SORCS3: variants seen among roughly 807,000 people sequenced by gnomAD.
The protein encoded by SORCS3 is sortilin related VPS10 domain containing receptor 3, also known as VPS10 domain-containing receptor SorCS3.
A neutral mutation model predicts 146.3 loss-of-function variants in SORCS3; 57 were observed. That is an observed-to-expected ratio of 0.39 (90% CI 0.31 to 0.49). The LOEUF is 0.49. SORCS3 is among the 20% of genes least tolerant of loss of function. The probability of loss-of-function intolerance (pLI) is 0.92; values close to 1 mark genes in which losing one functional copy is unlikely to be tolerated. For synonymous variants in SORCS3, 653 were observed against 618.5 expected (o/e 1.06, Z -0.83); for missense variants, 1,341 against 1,575.5 (o/e 0.85, Z 2.52).
intron 5 of SORCS3, among the ~76,000 whole-genome samples, chr10:105,080,258 G>A (rs1308321691): frequency 6.6e-6 from 1 of 152,102 alleles, no homozygotes; most frequent in East Asian, 1.9e-4. Flanking sequence ...ATTCTGACTG[G>A]CATGAGATGG....
intron 4 of SORCS3, among the ~76,000 whole-genome samples, chr10:104,998,026 A>AT (rs1176758171): frequency 2.6e-5 from 4 of 152,044 alleles, no homozygotes; most frequent in Non-Finnish European, 5.9e-5. Context: ...AATGAGGGGG[A>AT]TTTTACCAGT....
At chr10:104,987,444 G>A (rs1251913740) in intron 4 of SORCS3, among the ~76,000 whole-genome samples, 1 of 152,058 alleles carries the variant, frequency 6.6e-6, no homozygotes, top group Admixed American at 6.6e-5. Context: ...ATAAGGCAGT[G>A]CTCTTAAAAA....
intron 1 of SORCS3, among the ~76,000 whole-genome samples, chr10:104,781,643 A>G (rs981166892): frequency 2.0e-5 from 3 of 152,266 alleles, no homozygotes; most frequent in African/African-American, 7.2e-5. Flanking sequence ...TGATAATAGA[A>G]AGCTGCAAGT....
chr10:105,022,300 T>TC (rs2055202692), intron 4 of SORCS3, among the ~76,000 whole-genome samples: 2 of 72,418 alleles, frequency 2.8e-5, no homozygotes, highest in African/African-American at 1.5e-4. Flanking sequence ...TTCTTTTCTT[T>TC]TTTTTTTTTT....
intron 3 of SORCS3, among the ~76,000 whole-genome samples, chr10:104,970,733 A>G (rs1010423937): frequency 6.6e-6 from 1 of 151,440 alleles, no homozygotes; most frequent in Admixed American, 6.6e-5. Context: ...GAGAAAAGAA[A>G]GTAAGCTTGT....
intron 16 of SORCS3, among the ~76,000 whole-genome samples, chr10:105,203,007 C>CAGCT (rs1434991702): frequency 2.0e-5 from 3 of 152,172 alleles, no homozygotes; most frequent in African/African-American, 7.2e-5. Flanking sequence ...GGGCACAGAG[C>CAGCT]AGCTGCCCCT....
At chr10:105,160,589 T>C (rs896050027) in intron 11 of SORCS3, among the ~76,000 whole-genome samples, 2 of 152,302 alleles carry the variant, frequency 1.3e-5, no homozygotes, top group African/African-American at 4.8e-5. Context: ...GTGGTGCCAC[T>C]GCACTCCAGC....
chr10:104,842,916 C>A, intron 2 of SORCS3, 57 bp downstream of exon 2: 2 of 1,355,408 alleles, frequency 1.5e-6, no homozygotes, highest in Non-Finnish European at 2.1e-6. Flanking sequence ...ATGAGAAACG[C>A]AAGCTAAGCA....
intron 1 of SORCS3, among the ~76,000 whole-genome samples, chr10:104,644,473 G>A (rs1165259086): frequency 6.6e-6 from 1 of 152,210 alleles, no homozygotes; most frequent in African/African-American, 2.4e-5. Flanking sequence ...TGGGAAACCA[G>A]TTTCAGCAAC....
At chr10:105,160,699 C>G (rs1333180352) in intron 11 of SORCS3, among the ~76,000 whole-genome samples, 1 of 152,176 alleles carries the variant, frequency 6.6e-6, no homozygotes, top group East Asian at 1.9e-4. Context: ...CTATGTGTTA[C>G]TTATCATCAT....
At chr10:104,926,946 C>T (rs1004307401) in intron 3 of SORCS3, among the ~76,000 whole-genome samples, 7 of 152,046 alleles carry the variant, frequency 4.6e-5, no homozygotes, top group Non-Finnish European at 1.0e-4. Flanking sequence ...TCGAGTATAT[C>T]GTAATTTTTT....
chr10:105,023,828 A>C (rs569472813), intron 4 of SORCS3, among the ~76,000 whole-genome samples: 1 of 152,226 alleles, frequency 6.6e-6, no homozygotes, highest in African/African-American at 2.4e-5. Context: ...GTGAGGAAGA[A>C]ATGGAAAATA....
intron 2 of SORCS3, among the ~76,000 whole-genome samples, chr10:104,877,286 C>T (rs184719784): frequency 6.6e-6 from 1 of 152,178 alleles, no homozygotes; most frequent in Non-Finnish European, 1.5e-5. Context: ...GTCTTTCTTT[C>T]CACCCTTTCT....
chr10:104,857,038 G>A (rs1472073477), intron 2 of SORCS3, among the ~76,000 whole-genome samples: 1 of 149,690 alleles, frequency 6.7e-6, no homozygotes, highest in Admixed American at 6.9e-5. Context: ...CTTATGCCAG[G>A]AGCAGAATAT....
chr10:104,950,309 G>T (rs755563604), intron 3 of SORCS3, among the ~76,000 whole-genome samples: 2 of 152,136 alleles, frequency 1.3e-5, no homozygotes, highest in Admixed American at 1.3e-4. Flanking sequence ...TAAGTTTGGG[G>T]GTTAGAAAGG....
intron 8 of SORCS3, among the ~76,000 whole-genome samples, chr10:105,144,296 G>A (rs1484871864): frequency 6.6e-6 from 1 of 152,046 alleles, no homozygotes; most frequent in Non-Finnish European, 1.5e-5. Context: ...ATAGCACTTA[G>A]TCAAATTTGA....
In SORCS3 at chr10:105,107,595, T is replaced by C. The variant is rs2055831418; in HGVS notation, c.1212+2080T>C. On this transcript the variant is annotated intron_variant, in intron 7 of 26. Coordinates refer to ENST00000369701, the MANE Select transcript of SORCS3 (RefSeq NM_014978.3). The stretch of plus-strand genomic sequence containing the variant: ...GTCTTTAATTAGCATCAATTTTTAT[T>C]TTCCTTGAAAAGATATGCGGTTTCA... Among the ~76,000 whole-genome samples, 4 of 152,202 alleles carry C rather than the reference T, an allele frequency of 2.6e-5. No homozygotes were observed. In the South Asian group the frequency reaches 8.3e-4, roughly 31 times the overall value.
At chr10:105,015,288 G>A (rs1022067644) in intron 4 of SORCS3, among the ~76,000 whole-genome samples, 4 of 152,140 alleles carry the variant, frequency 2.6e-5, no homozygotes, top group Non-Finnish European at 4.4e-5. Flanking sequence ...AAACCCTGGA[G>A]AAACACTTGC....
intron 3 of SORCS3, among the ~76,000 whole-genome samples, chr10:104,965,016 G>T (rs117505593): frequency 6.8e-4 from 104 of 152,130 alleles, no homozygotes; most frequent in East Asian, 3.1e-3. Context: ...TGTCTTCAAG[G>T]TTCATCCATG....
Sources: allele counts gnomAD v4.1 joint callset (sites outside exome capture counted in the v4.1 genomes callset), GRCh38; gene constraint gnomAD v4.1.1; transcripts MANE v1.5; gene names NCBI Gene and HGNC (gene_info 2026-07-23, HGNC 2026-07-21).